MUCL1: variants seen among roughly 807,000 people sequenced by gnomAD.
MUCL1 encodes mucin-like protein 1.
MUCL1 carries 11 observed loss-of-function variants against 9.2 expected under a neutral mutation model. The observed-to-expected ratio is 1.19, with a 90% CI of 0.75 to 1.97. The LOEUF (loss-of-function observed/expected upper bound fraction) is 1.97. Among genes scored for constraint, MUCL1 ranks in the 30% most tolerant of loss-of-function variants. MUCL1 has a pLI of 0.00. For missense variants in MUCL1, 144 were observed against 110.9 expected, an observed-to-expected ratio of 1.30 and a Z score of -1.34; for synonymous variants, 48 against 40.5, an observed-to-expected ratio of 1.19 and a Z score of -0.71.
chr12:54,858,145 T>A, intron 3 of MUCL1, 48 bp from the exon 4 acceptor site: 4 of 1,610,434 alleles, frequency 2.5e-6, no homozygotes, highest in Non-Finnish European at 3.4e-6. Context: ...AAATCCACAT[T>A]CTTCATCCTT....
upstream of MUCL1, among the ~76,000 whole-genome samples, chr12:54,836,990 A>G (rs1380183429): frequency 1.3e-5 from 2 of 152,166 alleles, no homozygotes; most frequent in Non-Finnish European, 2.9e-5. Flanking sequence ...GACTTGTTTT[A>G]TCTCTTATTA....
chr12:54,849,112 T>A (rs1021400426), intron 1 of MUCL1, among the ~76,000 whole-genome samples: 2 of 152,092 alleles, frequency 1.3e-5, no homozygotes, highest in East Asian at 3.9e-4. Flanking sequence ...TAGTGTTGAG[T>A]GCAAAAAGAA....
chr12:54,843,549 C>G (rs571540689), intron 1 of MUCL1, among the ~76,000 whole-genome samples: 3 of 152,244 alleles, frequency 2.0e-5, no homozygotes, highest in African/African-American at 7.2e-5. Context: ...ATATAATGAG[C>G]AAGTTATCCT....
chr12:54,835,291 C>G (rs558048495), upstream of MUCL1, among the ~76,000 whole-genome samples: 1 of 152,090 alleles, frequency 6.6e-6, no homozygotes, highest in Non-Finnish European at 1.5e-5. Context: ...ATTGCTGGAT[C>G]AAACAGTAGA....
upstream of MUCL1, among the ~76,000 whole-genome samples, chr12:54,852,437 G>A (rs1212914359): frequency 1.3e-5 from 2 of 152,166 alleles, no homozygotes; most frequent in Non-Finnish European, 2.9e-5. Context: ...ATGGTGCTGG[G>A]AAATCTGGCT....
chr12:54,839,572 C>T (rs564959093), intron 1 of MUCL1: 60 of 689,280 alleles, frequency 8.7e-5, no homozygotes, highest in Non-Finnish European at 1.6e-4. Flanking sequence ...CCTCATCCTC[C>T]TGTCAAGTCG....
chr12:54,856,984 A>G, intron 3 of MUCL1, 92 bp downstream of exon 3: 2 of 1,547,108 alleles, frequency 1.3e-6, no homozygotes, highest in Non-Finnish European at 1.8e-6. Context: ...TTTTGAGGTC[A>G]GGGAGACCTC....
intron 1 of MUCL1, among the ~76,000 whole-genome samples, chr12:54,842,227 T>C (rs1047032753): frequency 6.6e-6 from 1 of 152,080 alleles, no homozygotes; most frequent in African/African-American, 2.4e-5. Flanking sequence ...TACTATTTAC[T>C]TGGTTACATT....
chr12:54,842,340 T>G (rs907078202), intron 1 of MUCL1, among the ~76,000 whole-genome samples: 1 of 152,090 alleles, frequency 6.6e-6, no homozygotes, highest in African/African-American at 2.4e-5. Context: ...AGATAGAAAA[T>G]GGCTACAGTT....
At chr12:54,852,768 CA>C (rs1206907082), upstream of MUCL1, among the ~76,000 whole-genome samples, 1 of 152,156 alleles carries the variant, frequency 6.6e-6, no homozygotes, top group Non-Finnish European at 1.5e-5. Flanking sequence ...GGAGGCCTTA[CA>C]AAGGTGACTG....
upstream of MUCL1, among the ~76,000 whole-genome samples, chr12:54,834,389 C>G (rs987626941): frequency 2.0e-5 from 3 of 152,018 alleles, no homozygotes; most frequent in Admixed American, 2.0e-4. Flanking sequence ...GAATTACCTT[C>G]TGGTCTCTCT....
At chr12:54,852,590 T>A (rs567160100), upstream of MUCL1, among the ~76,000 whole-genome samples, 1 of 152,326 alleles carries the variant, frequency 6.6e-6, no homozygotes, top group South Asian at 2.1e-4. Context: ...GCAGTTTTGA[T>A]CTCTTAAGGG....
At chr12:54,847,569 C>G (rs1959275148) in intron 1 of MUCL1, among the ~76,000 whole-genome samples, 1 of 152,172 alleles carries the variant, frequency 6.6e-6, no homozygotes, top group Non-Finnish European at 1.5e-5. Context: ...GAGCCAAGAT[C>G]ACGCCATTGC....
At chr12:54,843,864 G>A (rs1383639202) in intron 1 of MUCL1, among the ~76,000 whole-genome samples, 1 of 152,100 alleles carries the variant, frequency 6.6e-6, no homozygotes, top group Admixed American at 6.6e-5. Flanking sequence ...TATGTTTTTT[G>A]AAGGCACTAA....
chr12:54,836,838 C>G (rs1371428568), upstream of MUCL1, among the ~76,000 whole-genome samples: 2 of 152,154 alleles, frequency 1.3e-5, no homozygotes, highest in Non-Finnish European at 2.9e-5. Flanking sequence ...TCATTGTTAA[C>G]CTCAAAATCA....
upstream of MUCL1, among the ~76,000 whole-genome samples, chr12:54,851,950 G>T (rs568962719): frequency 9.1e-4 from 138 of 152,052 alleles, 1 homozygote; most frequent in Non-Finnish European, 1.2e-3. Context: ...AACTTACAAG[G>T]GATGTGAAGG....
chr12:54,855,067 C>T (rs760228671), intron 1 of MUCL1, 49 bp from the exon 2 acceptor site: 13 of 1,551,170 alleles, frequency 8.4e-6, no homozygotes, highest in Non-Finnish European at 1.2e-5. Context: ...CCTCCATCCT[C>T]CAAACTGGTA....
upstream of MUCL1, among the ~76,000 whole-genome samples, chr12:54,850,032 C>T (rs1651961427): frequency 1.3e-5 from 2 of 152,178 alleles, no homozygotes; most frequent in Non-Finnish European, 2.9e-5. Context: ...CTGTTCTCTG[C>T]CACCCAGAGG....
At chr12:54,855,858 A>G (rs915800661) in intron 2 of MUCL1, among the ~76,000 whole-genome samples, 1 of 152,330 alleles carries the variant, frequency 6.6e-6, no homozygotes, top group Admixed American at 6.5e-5. Flanking sequence ...AGCTTTAGTC[A>G]GACCTCACAT....
Sources: gnomAD v4.1 joint callset for allele counts (sites outside exome capture counted in the v4.1 genomes callset) on GRCh38, gnomAD v4.1.1 for gene constraint, MANE v1.5 for transcripts, NCBI Gene and HGNC (gene_info 2026-07-23, HGNC 2026-07-21) for gene names.